The following FER variants were observed in gnomAD, a reference collection of about 807,000 sequenced individuals.
FER encodes FER tyrosine kinase, also known as tyrosine-protein kinase Fer.
In FER, 63 loss-of-function variants were observed where a neutral mutation model predicts 111.0. That is an observed-to-expected ratio of 0.57 (90% CI 0.46 to 0.70). The LOEUF is 0.70. Ranked by LOEUF, FER falls within the 30% of genes least tolerant of loss-of-function variation. The pLI is 0.00. For missense variants in FER, 914 were observed against 954.0 expected (o/e 0.96, Z 0.55); for synonymous variants, 327 against 313.9 (o/e 1.04, Z -0.44).
In FER at chr5:108,844,063, T is replaced by TATATGTGTGTGAAC. The variant is rs1561500057; in HGVS notation, c.481+8261_481+8274dup. On this transcript the variant is annotated intron_variant, in intron 5 of 19. Coordinates refer to ENST00000281092, the MANE Select transcript of FER (RefSeq NM_005246.4). ...GAACATATATATGTGTGTGAACATA[T>TATATGTGTGTGAAC]ATATGTGTGTGAACATATATGCGTG... is the stretch of plus-strand genomic sequence containing the variant. 5.4e-5 allele frequency among the ~76,000 whole-genome samples: 8 copies of TATATGTGTGTGAAC among 148,638 alleles called. No homozygotes were observed. The South Asian group carries it at 1.5e-3, about 27-fold the overall frequency.
chr5:109,088,763 T>G (rs189775161), intron 16 of FER, among the ~76,000 whole-genome samples: 23 of 152,130 alleles, frequency 1.5e-4, no homozygotes, highest in Admixed American at 1.4e-3. Flanking sequence ...GATTACCTAC[T>G]AGGTAGTACC....
intron 2 of FER, among the ~76,000 whole-genome samples, chr5:108,776,258 G>C (rs981408297): frequency 6.6e-6 from 1 of 151,972 alleles, no homozygotes; most frequent in Admixed American, 6.6e-5. Flanking sequence ...ACGTATTTCT[G>C]ATTTTTATAA....
intron 17 of FER, among the ~76,000 whole-genome samples, chr5:109,159,415 A>G (rs1306649242): frequency 1.3e-5 from 2 of 151,526 alleles, no homozygotes; most frequent in South Asian, 2.1e-4. Context: ...GAACTCCCAC[A>G]GTAACCAGTT....
chr5:109,008,624 T>A (rs1765801222), intron 13 of FER, among the ~76,000 whole-genome samples: 1 of 152,110 alleles, frequency 6.6e-6, no homozygotes. Context: ...TTCTCTGCTT[T>A]AAAAAAATAT....
intron 17 of FER, among the ~76,000 whole-genome samples, chr5:109,147,729 A>G (rs1582254520): frequency 6.6e-6 from 1 of 151,618 alleles, no homozygotes; most frequent in East Asian, 1.9e-4. Flanking sequence ...CAGTGCATAC[A>G]AACATGCAAA....
chr5:109,091,407 T>C (rs1746739954), intron 16 of FER, among the ~76,000 whole-genome samples: 1 of 152,192 alleles, frequency 6.6e-6, no homozygotes, highest in South Asian at 2.1e-4. Flanking sequence ...CATATGGTGC[T>C]AACTGCAGGT....
At chr5:108,987,998 C>T (rs2149738988) in intron 13 of FER, among the ~76,000 whole-genome samples, 1 of 152,228 alleles carries the variant, frequency 6.6e-6, no homozygotes. Flanking sequence ...GGGTGTTAAT[C>T]ACAAACGGAT....
At chr5:109,060,055 A>G (rs1161667627) in intron 16 of FER, among the ~76,000 whole-genome samples, 1 of 152,208 alleles carries the variant, frequency 6.6e-6, no homozygotes, top group African/African-American at 2.4e-5. Flanking sequence ...AACTATCCCA[A>G]GTGAAGTCAA....
intron 13 of FER, among the ~76,000 whole-genome samples, chr5:108,980,549 G>A (rs1310146495): frequency 1.3e-5 from 2 of 152,220 alleles, no homozygotes; most frequent in East Asian, 3.9e-4. Flanking sequence ...TTCACCTGAT[G>A]TATATAGAAA....
intron 13 of FER, among the ~76,000 whole-genome samples, chr5:109,001,624 T>A (rs183553628): frequency 2.0e-5 from 3 of 152,288 alleles, no homozygotes; most frequent in East Asian, 3.9e-4. Flanking sequence ...GTGTTGGAAG[T>A]TTTGGCCAGG....
chr5:108,749,803 T>C (rs1268919292), intron 1 of FER, among the ~76,000 whole-genome samples: 3 of 152,210 alleles, frequency 2.0e-5, no homozygotes, highest in East Asian at 3.8e-4. Context: ...CCTTCTGCCT[T>C]ACAGTTACCC....
At chr5:108,839,572 CTTTT>C (rs1232820003) in intron 5 of FER, among the ~76,000 whole-genome samples, 2 of 94,732 alleles carry the variant, frequency 2.1e-5, no homozygotes, top group African/African-American at 8.8e-5. Flanking sequence ...ATGCCATTTT[CTTTT>C]TTTTTTTTTT....
intron 5 of FER, among the ~76,000 whole-genome samples, chr5:108,866,601 G>T (rs987963124): frequency 2.0e-5 from 3 of 151,340 alleles, no homozygotes; most frequent in Non-Finnish European, 4.4e-5. Flanking sequence ...AAAAGAATCA[G>T]CTAGAAACTG....
intron 8 of FER, among the ~76,000 whole-genome samples, chr5:108,879,801 T>A (rs2150275022): frequency 6.7e-6 from 1 of 149,976 alleles, no homozygotes; most frequent in African/African-American, 2.5e-5. Flanking sequence ...CCTCCGCCTC[T>A]CAGGTTAAAG....
chr5:109,083,306 A>T (rs979273741), intron 16 of FER, among the ~76,000 whole-genome samples: 1 of 152,022 alleles, frequency 6.6e-6, no homozygotes, highest in Non-Finnish European at 1.5e-5. Flanking sequence ...GTAGGTCTTC[A>T]TCCAGTTCTT....
At chr5:109,164,877 T>C (rs754527293) in intron 17 of FER, among the ~76,000 whole-genome samples, 3 of 152,196 alleles carry the variant, frequency 2.0e-5, no homozygotes, top group Non-Finnish European at 4.4e-5. Context: ...ATCTAAAATT[T>C]TGTCTCCATT....
At chr5:108,845,664 G>T (rs1761963130) in intron 5 of FER, among the ~76,000 whole-genome samples, 1 of 151,812 alleles carries the variant, frequency 6.6e-6, no homozygotes, top group South Asian at 2.1e-4. Flanking sequence ...ATATTGAATA[G>T]AAGTGAGAGG....
chr5:109,044,578 A>G (rs1206009203), intron 14 of FER, 102 bp from the exon 15 acceptor site: 26 of 587,590 alleles, frequency 4.4e-5, no homozygotes, highest in Non-Finnish European at 7.9e-5. Context: ...TGATATTGAC[A>G]TGTAGGTAAG....
chr5:109,054,625 T>G (rs1773390734), intron 16 of FER, among the ~76,000 whole-genome samples: 1 of 152,210 alleles, frequency 6.6e-6, no homozygotes, highest in Non-Finnish European at 1.5e-5. Flanking sequence ...TTTTTTCTTT[T>G]ATGGATCATA....
Sources: gnomAD v4.1 joint callset for allele counts (sites outside exome capture counted in the v4.1 genomes callset) on GRCh38, gnomAD v4.1.1 for gene constraint, MANE v1.5 for transcripts, NCBI Gene and HGNC (gene_info 2026-07-23, HGNC 2026-07-21) for gene names.